The following SEMA5A variants were observed in gnomAD, a reference collection of about 807,000 sequenced individuals.
SEMA5A encodes the protein semaphorin 5A.
A neutral mutation model predicts 135.5 loss-of-function variants in SEMA5A; 55 were observed. The observed-to-expected ratio is 0.41, with a 90% CI of 0.33 to 0.51. The LOEUF (loss-of-function observed/expected upper bound fraction) is 0.51, where lower values mean the gene tolerates loss of function less well. Ranked by LOEUF, SEMA5A falls within the 20% of genes least tolerant of loss-of-function variation. SEMA5A has a pLI of 0.37. For missense variants in SEMA5A, 1,290 were observed against 1,419.9 expected (o/e 0.91, Z 1.47); for synonymous variants, 580 against 546.5 (o/e 1.06, Z -0.85).
At chr5:9,501,574 G>A (rs901099934) in intron 1 of SEMA5A, among the ~76,000 whole-genome samples, 1 of 152,158 alleles carries the variant, frequency 6.6e-6, no homozygotes, top group Non-Finnish European at 1.5e-5. Flanking sequence ...GCTGATGTTA[G>A]CCATATCCCT....
At chr5:9,116,583 C>T (rs1342684081) in intron 15 of SEMA5A, among the ~76,000 whole-genome samples, 1 of 152,092 alleles carries the variant, frequency 6.6e-6, no homozygotes, top group Non-Finnish European at 1.5e-5. Context: ...TGGAGATGTC[C>T]CAGATGAAAA....
At chr5:9,135,362 T>G (rs1231653043) in intron 13 of SEMA5A, among the ~76,000 whole-genome samples, 1 of 151,812 alleles carries the variant, frequency 6.6e-6, no homozygotes, top group Non-Finnish European at 1.5e-5. Flanking sequence ...TTGTATTTTT[T>G]AGCAGAGATG....
At chr5:9,132,861 C>G (rs149873596) in intron 13 of SEMA5A, among the ~76,000 whole-genome samples, 45 of 152,302 alleles carry the variant, frequency 3.0e-4, no homozygotes, top group African/African-American at 1.1e-3. Flanking sequence ...AATATTTGGT[C>G]TCATTCAAAA....
chr5:9,187,040 T>A (rs961776658), intron 11 of SEMA5A, among the ~76,000 whole-genome samples: 38 of 152,132 alleles, frequency 2.5e-4, no homozygotes, highest in Non-Finnish European at 5.0e-4. Flanking sequence ...TGGGGCTAGT[T>A]ATAAATAAGA....
At chr5:9,523,781 G>A (rs979910946) in intron 1 of SEMA5A, among the ~76,000 whole-genome samples, 1 of 152,248 alleles carries the variant, frequency 6.6e-6, no homozygotes, top group Non-Finnish European at 1.5e-5. Flanking sequence ...AAACAACTCT[G>A]TCAACAAGGT....
At chr5:9,265,510 T>C (rs1045510350) in intron 5 of SEMA5A, 3 of 456,290 alleles carry the variant, frequency 6.6e-6, no homozygotes, top group Non-Finnish European at 1.3e-5. Flanking sequence ...CCATGTGGCT[T>C]TGTGTGGTGT....
chr5:9,239,829 G>A (rs910722518), intron 5 of SEMA5A, among the ~76,000 whole-genome samples: 1 of 151,950 alleles, frequency 6.6e-6, no homozygotes, highest in African/African-American at 2.4e-5. Flanking sequence ...CATTGGTCTA[G>A]TGATTTTGTT....
chr5:9,524,351 G>A (rs1045079395), intron 1 of SEMA5A, among the ~76,000 whole-genome samples: 1 of 152,150 alleles, frequency 6.6e-6, no homozygotes, highest in African/African-American at 2.4e-5. Context: ...GGATTAGAGT[G>A]AGCCCTAATG....
intron 5 of SEMA5A, among the ~76,000 whole-genome samples, chr5:9,275,746 C>T (rs1441252268): frequency 6.6e-6 from 1 of 152,126 alleles, no homozygotes; most frequent in East Asian, 1.9e-4. Context: ...ATGATTATCT[C>T]AATAGATACA....
At chr5:9,301,817 G>C (rs193002590) in intron 5 of SEMA5A, among the ~76,000 whole-genome samples, 1 of 152,176 alleles carries the variant, frequency 6.6e-6, no homozygotes, top group East Asian at 1.9e-4. Flanking sequence ...AGCTTCCTGT[G>C]GCTGCTGTAA....
At chr5:9,273,661 C>G (rs1383871650) in intron 5 of SEMA5A, among the ~76,000 whole-genome samples, 1 of 152,072 alleles carries the variant, frequency 6.6e-6, no homozygotes, top group African/African-American at 2.4e-5. Flanking sequence ...ACTCTACAAG[C>G]CAGAAGGAGT....
intron 2 of SEMA5A, among the ~76,000 whole-genome samples, chr5:9,403,064 C>T (rs1295167569): frequency 6.6e-6 from 1 of 152,132 alleles, no homozygotes; most frequent in Non-Finnish European, 1.5e-5. Context: ...CTCCAAATGC[C>T]ATCTCCAAAC....
chr5:9,313,546 C>A lies in SEMA5A; in HGVS notation c.270+4826G>T, dbSNP rs998871431. 5.3e-5 allele frequency among the ~76,000 whole-genome samples: 8 copies of A among 152,120 alleles called. 1 individual carries two copies. The highest frequency in any genetic ancestry group is 6.3e-3 in the Middle Eastern group (2 of 316). On this transcript the variant is annotated intron_variant, in intron 5 of 22. Transcript: ENST00000382496. ...AAGCCATCTGTTTTGACTCTACCAC[C>A]TTCCAGGTAACCTAATCTAATAATA...
rs183426996 is a variant in SEMA5A, at chr5:9,234,255, T to C, written c.333+3573A>G. 2.2e-3 allele frequency among the ~76,000 whole-genome samples: 341 copies of C among 152,300 alleles called. 5 individuals carry two copies. Among genetic ancestry groups the C allele is most frequent in the African/African-American group, 7.8e-3 (324 of 41,564 alleles). On this transcript the variant is annotated intron_variant, in intron 6 of 22. Coordinates refer to ENST00000382496, the MANE Select transcript of SEMA5A (RefSeq NM_003966.3). ...AGGGGGCAGTCCTTCGGAGGCTGCA[T>C]TTGGTCCAGTTGCCCCTGTTCATAG...
At chr5:9,298,940 A>G (rs3822788) in intron 5 of SEMA5A, among the ~76,000 whole-genome samples, 10,875 of 152,244 alleles carry the variant, frequency 0.071, 600 homozygotes, top group African/African-American at 0.15. Flanking sequence ...AAGAGAAGTA[A>G]TCAGTCTAGA....
chr5:9,205,367 T>C (rs1745955430), intron 8 of SEMA5A, among the ~76,000 whole-genome samples: 1 of 152,134 alleles, frequency 6.6e-6, no homozygotes, highest in Non-Finnish European at 1.5e-5. Context: ...TAAGGACTTA[T>C]TAAACAAGAA....
chr5:9,086,774 G>C (rs147569018), intron 16 of SEMA5A, among the ~76,000 whole-genome samples: 3 of 152,050 alleles, frequency 2.0e-5, no homozygotes, highest in Non-Finnish European at 4.4e-5. Flanking sequence ...CCAATAATCC[G>C]TTTATGAATG....
intron 4 of SEMA5A, among the ~76,000 whole-genome samples, chr5:9,336,831 C>A (rs115071649): frequency 6.6e-6 from 1 of 152,294 alleles, no homozygotes; most frequent in African/African-American, 2.4e-5. Flanking sequence ...GTAGCTATGG[C>A]AGGCATGCTT....
intron 1 of SEMA5A, among the ~76,000 whole-genome samples, chr5:9,452,041 A>G (rs1758664097): frequency 6.6e-6 from 1 of 152,206 alleles, no homozygotes; most frequent in Admixed American, 6.5e-5. Flanking sequence ...TGTCAGTAGA[A>G]ACAGACTCTT....
Sources: gnomAD v4.1 joint callset for allele counts (sites outside exome capture counted in the v4.1 genomes callset) on GRCh38, gnomAD v4.1.1 for gene constraint, MANE v1.5 for transcripts, NCBI Gene and HGNC (gene_info 2026-07-23, HGNC 2026-07-21) for gene names.